WDR49: variants seen among roughly 807,000 people sequenced by gnomAD.
WDR49 encodes the protein WD repeat domain 49.
A neutral mutation model predicts 119.5 loss-of-function variants in WDR49; 107 were observed. The observed-to-expected ratio is 0.90, with a 90% CI of 0.77 to 1.05. The LOEUF is 1.05. Ranked by LOEUF, WDR49 falls within the 50% of genes least tolerant of loss-of-function variation. The pLI is 0.00. For synonymous variants in WDR49, 425 were observed against 418.8 expected (o/e 1.01, Z -0.18); for missense variants, 1,240 against 1,220.5 (o/e 1.02, Z -0.24).
intron 5 of WDR49, among the ~76,000 whole-genome samples, chr3:167,609,756 T>C (rs533758225): frequency 5.9e-5 from 9 of 152,252 alleles, no homozygotes; most frequent in Admixed American, 3.9e-4. Context: ...AACCCCAGAC[T>C]GCACAGCTCA....
intron 8 of WDR49, among the ~76,000 whole-genome samples, chr3:167,563,073 A>T (rs1194905311): frequency 6.6e-6 from 1 of 152,120 alleles, no homozygotes; most frequent in African/African-American, 2.4e-5. Flanking sequence ...AATTTTAGAA[A>T]CCTGATTTTA....
At chr3:167,578,487 ATATC>A (rs1157018288) in intron 7 of WDR49, among the ~76,000 whole-genome samples, 1 of 152,060 alleles carries the variant, frequency 6.6e-6, no homozygotes, top group Admixed American at 6.6e-5. Context: ...TTATACAACT[ATATC>A]TAGTGACTCA....
chr3:167,530,085 T>C (rs189672410), intron 13 of WDR49, among the ~76,000 whole-genome samples: 34 of 152,220 alleles, frequency 2.2e-4, no homozygotes, highest in African/African-American at 8.2e-4. Flanking sequence ...ATTGTGAGTA[T>C]AAGCAAGTTC....
chr3:167,605,920 C>T (rs1000455758), intron 5 of WDR49, among the ~76,000 whole-genome samples: 4 of 152,102 alleles, frequency 2.6e-5, no homozygotes, highest in East Asian at 1.9e-4. Flanking sequence ...TATTATAAAT[C>T]GAAGCTTGGG....
chr3:167,595,415 G>C (rs77962603), intron 7 of WDR49, among the ~76,000 whole-genome samples: 3,961 of 152,184 alleles, frequency 0.026, 163 homozygotes, highest in East Asian at 0.17. Context: ...TGCCAAGTCA[G>C]TCCTAAGCCA....
intron 16 of WDR49, among the ~76,000 whole-genome samples, chr3:167,516,151 G>C (rs1296640230): frequency 6.6e-6 from 1 of 152,008 alleles, no homozygotes; most frequent in Non-Finnish European, 1.5e-5. Context: ...TGTGCACAAC[G>C]TGCAGGTTAG....
intron 7 of WDR49, among the ~76,000 whole-genome samples, chr3:167,592,153 G>A (rs528645920): frequency 1.3e-5 from 2 of 152,034 alleles, no homozygotes; most frequent in Admixed American, 6.6e-5. Context: ...AACACTATTC[G>A]TATAAACAAA....
At chr3:167,620,719 T>C (rs1307946914) in intron 4 of WDR49, 116 bp from the exon 5 acceptor site, 5 of 1,054,924 alleles carry the variant, frequency 4.7e-6, no homozygotes, top group Non-Finnish European at 6.5e-6. Context: ...ATTTCTTCAA[T>C]ATTATTTAAA....
intron 15 of WDR49, among the ~76,000 whole-genome samples, chr3:167,526,311 C>A (rs957826087): frequency 2.0e-5 from 3 of 152,140 alleles, no homozygotes; most frequent in Non-Finnish European, 4.4e-5. Context: ...GGTGGGTGAA[C>A]TTTATATGGC....
At chr3:167,521,253 G>A (rs1752422928) in intron 16 of WDR49, among the ~76,000 whole-genome samples, 1 of 152,168 alleles carries the variant, frequency 6.6e-6, no homozygotes, top group Non-Finnish European at 1.5e-5. Context: ...GCTGGAGGAG[G>A]TGAGCCATAA....
At chr3:167,597,270 A>G (rs898403224) in intron 7 of WDR49, among the ~76,000 whole-genome samples, 2 of 152,246 alleles carry the variant, frequency 1.3e-5, no homozygotes, top group Admixed American at 1.3e-4. Flanking sequence ...GCAAGCTCCA[A>G]GCATTGGCAG....
chr3:167,623,454 T>C (rs757096832), intron 3 of WDR49, among the ~76,000 whole-genome samples: 26 of 152,072 alleles, frequency 1.7e-4, no homozygotes, highest in Non-Finnish European at 3.2e-4. Flanking sequence ...GTAATCTTAG[T>C]AGATGCAAAC....
At chr3:167,620,789 A>C (rs777108648) in intron 4 of WDR49, among the ~76,000 whole-genome samples, 186 bp from the exon 5 acceptor site, 1 of 152,188 alleles carries the variant, frequency 6.6e-6, no homozygotes, top group Non-Finnish European at 1.5e-5. Context: ...ACAATTACCA[A>C]AGGGCAGTCT....
intron 18 of WDR49, among the ~76,000 whole-genome samples, chr3:167,486,881 C>T (rs1750941847): frequency 1.3e-5 from 2 of 152,014 alleles, no homozygotes; most frequent in Admixed American, 6.6e-5. Context: ...TCAATTGGAC[C>T]TAATTGACAA....
chr3:167,577,605 C>G (rs9845465), intron 7 of WDR49, among the ~76,000 whole-genome samples: 360 of 152,194 alleles, frequency 2.4e-3, no homozygotes, highest in Non-Finnish European at 4.0e-3. Context: ...ATGTCAAGCA[C>G]TTAACATGAT....
chr3:167,570,617 G>A (rs941177051), intron 8 of WDR49, among the ~76,000 whole-genome samples: 2 of 152,184 alleles, frequency 1.3e-5, no homozygotes, highest in Non-Finnish European at 2.9e-5. Context: ...TGATGGCATA[G>A]ATAATAACTT....
chr3:167,607,222 C>A (rs1473523618), intron 5 of WDR49, among the ~76,000 whole-genome samples: 2 of 152,058 alleles, frequency 1.3e-5, no homozygotes, highest in Admixed American at 6.6e-5. Flanking sequence ...TTACGGCTAC[C>A]TTTGGGGAAA....
At chr3:167,642,195 C>T (rs979451748) in intron 2 of WDR49, among the ~76,000 whole-genome samples, 2 of 151,706 alleles carry the variant, frequency 1.3e-5, no homozygotes, top group African/African-American at 4.8e-5. Context: ...ATATACTAAC[C>T]TAACCATGTA....
At chr3:167,501,435 T>G (rs1751560549) in intron 17 of WDR49, among the ~76,000 whole-genome samples, 1 of 152,150 alleles carries the variant, frequency 6.6e-6, no homozygotes. Flanking sequence ...TGCTATAATA[T>G]GCCAGGCAGT....
Sources: allele counts gnomAD v4.1 joint callset (sites outside exome capture counted in the v4.1 genomes callset), GRCh38; gene constraint gnomAD v4.1.1; transcripts MANE v1.5; gene names NCBI Gene and HGNC (gene_info 2026-07-23, HGNC 2026-07-21).